KIF26B: variants seen among roughly 807,000 people sequenced by gnomAD.
KIF26B encodes the protein kinesin family member 26B, also known as kinesin-like protein KIF26B.
Under a neutral mutation model 151.2 loss-of-function variants are expected in KIF26B, and 63 were observed. The ratio of observed to expected loss-of-function variants is 0.42; its 90% CI spans 0.34 to 0.51. KIF26B has a LOEUF of 0.51. Among genes scored for constraint, KIF26B ranks in the 20% least tolerant of loss-of-function variants. The probability of loss-of-function intolerance (pLI) is 0.07; values close to 1 mark genes in which losing one functional copy is unlikely to be tolerated. For synonymous variants in KIF26B, 1,357 were observed against 1,262.1 expected, an observed-to-expected ratio of 1.08 and a Z score of -1.59; for missense variants, 2,813 against 2,913.6, an observed-to-expected ratio of 0.97 and a Z score of 0.79.
chr1:245,677,263 C>T (rs1406056466), intron 10 of KIF26B, among the ~76,000 whole-genome samples: 3 of 152,148 alleles, frequency 2.0e-5, no homozygotes, highest in South Asian at 2.1e-4. Context: ...AACTAATCAT[C>T]GTGTACACTG....
chr1:245,223,747 G>A (rs769894269), intron 2 of KIF26B, among the ~76,000 whole-genome samples: 14 of 152,162 alleles, frequency 9.2e-5, no homozygotes, highest in South Asian at 4.1e-4. Flanking sequence ...ATATGTCACA[G>A]CTATTTTCAT....
chr1:245,368,258 A>G (rs989318329), intron 3 of KIF26B, among the ~76,000 whole-genome samples: 1 of 152,190 alleles, frequency 6.6e-6, no homozygotes, highest in Non-Finnish European at 1.5e-5. Flanking sequence ...GTTTCTCCAT[A>G]GAAATAAAAC....
chr1:245,390,118 C>T (rs184576634), intron 3 of KIF26B, among the ~76,000 whole-genome samples: 2,886 of 151,304 alleles, frequency 0.019, 86 homozygotes, highest in African/African-American at 0.065. Context: ...AAGGTGGTCA[C>T]GCCAAGCTAT....
In KIF26B at chr1:245,685,473, G is replaced by C; in HGVS notation, c.2490G>C (p.Leu830=). The C allele has an allele frequency of 6.2e-7, 1 of 1,613,812 alleles. No individual in the cohort carries two copies. Among genetic ancestry groups the C allele is most frequent in the South Asian group, 1.1e-5 (1 of 91,066 alleles). ...GCCGCATGCGCAGGCCCACCCAGCT[G>C]AGACCCTTCCACACCAGGGCCACGG... ...EEGRMRRPTQ[L]RPFHTRATVD... The change falls in exon 12 of 15, where the codon CTG becomes CTC. Residue 830 remains leucine, a synonymous_variant. Coordinates refer to ENST00000407071, the MANE Select transcript of KIF26B (RefSeq NM_018012.4).
intron 5 of KIF26B, among the ~76,000 whole-genome samples, chr1:245,599,508 G>A (rs935530039): frequency 3.3e-5 from 5 of 152,096 alleles, no homozygotes; most frequent in African/African-American, 9.7e-5. Context: ...CTTCTTTCCC[G>A]CTTCTCCTTG....
intron 10 of KIF26B, among the ~76,000 whole-genome samples, chr1:245,649,783 T>G (rs1290949149): frequency 6.6e-6 from 1 of 152,016 alleles, no homozygotes; most frequent in African/African-American, 2.4e-5. Flanking sequence ...CCTGGGAAAT[T>G]CGCTGCAATG....
intron 4 of KIF26B, among the ~76,000 whole-genome samples, chr1:245,467,281 C>G (rs774378287): frequency 2.6e-5 from 4 of 152,192 alleles, no homozygotes; most frequent in African/African-American, 7.2e-5. Context: ...CAAGATGATG[C>G]GAGCTCTTTA....
intron 2 of KIF26B, among the ~76,000 whole-genome samples, chr1:245,361,505 A>T (rs928240720): frequency 6.6e-6 from 1 of 152,204 alleles, no homozygotes. Context: ...CCATTGTGTG[A>T]TCACCATCAC....
At chr1:245,344,494 CAAAAAAAAAAAAA>C (rs57007301) in intron 2 of KIF26B, among the ~76,000 whole-genome samples, 13,806 of 40,146 alleles carry the variant, frequency 0.34, 1,680 homozygotes, top group East Asian at 0.52. Context: ...GACTCCGTCT[CAAAAAAAAAAAAA>C]AAAAAAAAAA....
At chr1:245,328,307 G>T (rs1364041960) in intron 2 of KIF26B, among the ~76,000 whole-genome samples, 1 of 151,898 alleles carries the variant, frequency 6.6e-6, no homozygotes, top group Admixed American at 6.6e-5. Context: ...TGGGACTAAG[G>T]GTTCGTTGTG....
chr1:245,537,011 C>T (rs892705162), intron 4 of KIF26B, among the ~76,000 whole-genome samples: 1 of 152,222 alleles, frequency 6.6e-6, no homozygotes, highest in Admixed American at 6.5e-5. Flanking sequence ...CAAGAAGGAA[C>T]ATAGACGCCC....
chr1:245,302,661 A>G (rs1333480751), intron 2 of KIF26B, among the ~76,000 whole-genome samples: 2 of 152,132 alleles, frequency 1.3e-5, no homozygotes, highest in Admixed American at 6.5e-5. Flanking sequence ...GGAATTTGTT[A>G]TTTCTTCTAA....
intron 4 of KIF26B, among the ~76,000 whole-genome samples, chr1:245,482,278 C>CG (rs5782347): frequency 0.19 from 27,986 of 150,930 alleles, 3,216 homozygotes; most frequent in African/African-American, 0.28. Flanking sequence ...TTTTAGTAGA[C>CG]GGGGTTTCAC....
rs557827306 is a variant in KIF26B at position 245,602,805 on chromosome 1, G to A, written c.1557+22G>A. ...TCAGGTGGGTATCAGCCCCCTCTCA[G>A]GCTCAGGCAACGTTGATGAAAGGGC... On this transcript the variant is annotated intron_variant, in intron 6 of 14. Transcript: ENST00000407071. This position sits in a 1 kb window ranked among gnomAD's most constrained non-coding sequence, Gnocchi z 4.5. 3 of 1,610,382 alleles carry A rather than the reference G, an allele frequency of 1.9e-6. No homozygotes were observed. The highest frequency in any genetic ancestry group is 1.7e-5 in the Admixed American group (1 of 60,016).
chr1:245,215,418 C>A (rs1669625165), intron 2 of KIF26B, among the ~76,000 whole-genome samples: 1 of 152,118 alleles, frequency 6.6e-6, no homozygotes, highest in African/African-American at 2.4e-5. Context: ...GTGAACAGGC[C>A]TCTCTGAGAC....
At chr1:245,383,131 T>C (rs1335195652) in intron 3 of KIF26B, among the ~76,000 whole-genome samples, 1 of 151,858 alleles carries the variant, frequency 6.6e-6, no homozygotes, top group Non-Finnish European at 1.5e-5. Flanking sequence ...TCACAGAGCA[T>C]GGCTCTCTGC....
At chr1:245,476,661 G>A (rs1298526607) in intron 4 of KIF26B, among the ~76,000 whole-genome samples, 3 of 151,292 alleles carry the variant, frequency 2.0e-5, no homozygotes, top group South Asian at 2.1e-4. Flanking sequence ...TCAGCCTCCC[G>A]AGTAGTTGAG....
intron 3 of KIF26B, among the ~76,000 whole-genome samples, chr1:245,384,679 G>A (rs704656): frequency 0.099 from 15,062 of 152,144 alleles, 928 homozygotes; most frequent in East Asian, 0.32. Context: ...TATTTATGGA[G>A]TCCTGAACAT....
At chr1:245,533,529 T>G (rs1661424284) in intron 4 of KIF26B, among the ~76,000 whole-genome samples, 1 of 152,208 alleles carries the variant, frequency 6.6e-6, no homozygotes, top group African/African-American at 2.4e-5. Context: ...TTCCTGAAAC[T>G]TTTAAAGATA....
Sources: gnomAD v4.1 joint callset for allele counts (sites outside exome capture counted in the v4.1 genomes callset) on GRCh38, gnomAD v4.1.1 for gene constraint, Gnocchi (gnomAD v3.1) non-coding constraint, MANE v1.5 for transcripts, NCBI Gene and HGNC (gene_info 2026-07-23, HGNC 2026-07-21) for gene names.